The following DHX8 variants were observed in gnomAD, a reference collection of about 807,000 sequenced individuals.
The protein encoded by DHX8 is ATP-dependent RNA helicase DHX8.
DHX8 carries 67 observed loss-of-function variants against 140.7 expected under a neutral mutation model. The ratio of observed to expected loss-of-function variants is 0.48; its 90% confidence interval spans 0.39 to 0.58. DHX8 has a LOEUF of 0.58. Among genes scored for constraint, DHX8 ranks in the 20% least tolerant of loss-of-function variants. DHX8 has a pLI of 0.00. For missense variants in DHX8, 887 were observed against 1,550.7 expected (o/e 0.57, Z 7.19); for synonymous variants, 533 against 553.2 (o/e 0.96, Z 0.51).
chr17:43,528,352 TG>T, downstream of DHX8: 1 of 527,074 alleles, frequency 1.9e-6, no homozygotes. Flanking sequence ...TCCTTCCCAA[TG>T]ACTCCGGTGA....
chr17:43,495,937 A>G (rs767467497), intron 8 of DHX8, among the ~76,000 whole-genome samples: 11 of 152,040 alleles, frequency 7.2e-5, no homozygotes, highest in Admixed American at 1.3e-4. Context: ...GTTTCTAGAA[A>G]AAATTTAAAA....
At chr17:43,529,531 C>T (rs760615534), downstream of DHX8, 1 of 1,613,470 alleles carries the variant, frequency 6.2e-7, no homozygotes, top group Non-Finnish European at 8.5e-7. Context: ...GCTTGAACTC[C>T]ATTCCCCGGC....
chr17:43,485,254 A>G (rs1968072551), intron 1 of DHX8, among the ~76,000 whole-genome samples: 1 of 152,144 alleles, frequency 6.6e-6, no homozygotes, highest in Admixed American at 6.5e-5. Context: ...TTCCTAAATG[A>G]AGATAAAGTC....
chr17:43,530,122 C>G, downstream of DHX8: 5 of 1,579,812 alleles, frequency 3.2e-6, no homozygotes, highest in Non-Finnish European at 1.7e-6. Flanking sequence ...GCCCCGTCAC[C>G]TGGAGAGGGC....
At chr17:43,490,493 T>A in intron 3 of DHX8, 30 bp downstream of exon 3, 1 of 1,570,114 alleles carries the variant, frequency 6.4e-7, no homozygotes, top group Non-Finnish European at 8.7e-7. Flanking sequence ...GAGCTTAGCT[T>A]CTAGAATGGT....
At chr17:43,526,429 G>GTGA, downstream of DHX8, 1 of 1,531,146 alleles carries the variant, frequency 6.5e-7, no homozygotes, top group Non-Finnish European at 8.7e-7. Context: ...AGCTGGGTCA[G>GTGA]GCTCCTCGGT....
At chr17:43,526,077 T>G, downstream of DHX8, 1 of 985,366 alleles carries the variant, frequency 1.0e-6, no homozygotes, top group Middle Eastern at 5.2e-4. Flanking sequence ...GGTTCTGACC[T>G]TTTGACCATC....
chr17:43,492,095 G>A, intron 4 of DHX8, 88 bp from the exon 5 acceptor site: 2 of 865,204 alleles, frequency 2.3e-6, no homozygotes. Context: ...CCCTCACATA[G>A]TGATTAGTGA....
At chr17:43,497,334 T>C (rs562263018) in intron 9 of DHX8, among the ~76,000 whole-genome samples, 147 of 152,350 alleles carry the variant, frequency 9.6e-4, no homozygotes, top group African/African-American at 3.4e-3. Context: ...CCATTTTACT[T>C]TTGATGGACA....
chr17:43,524,713 G>A lies in DHX8; in HGVS notation c.*866G>A. ...TTGAAACATACTAAGTAACAACACA[G>A]CTTTTATTTTATTTTGTTTTTATTT... On this transcript the variant is annotated 3_prime_UTR_variant, in exon 23 of 23. Coordinates refer to ENST00000262415, the MANE Select transcript of DHX8 (RefSeq NM_004941.3). 1 of 985,412 alleles carries A rather than the reference G, an allele frequency of 1.0e-6. No homozygotes were observed. Among genetic ancestry groups the A allele is most frequent in the Non-Finnish European group, 1.2e-6 (1 of 829,916 alleles). 61.0% of individuals were successfully genotyped at this position (985,412 alleles called of 1,614,324 possible).
rs756738915 is a variant in DHX8 at position 43,533,307 on chromosome 17, G to T, written c.351-3105G>T. ...GGGCGACTGTCCAAGGGCACCAGGG[G>T]CAGGGGACTTGATGGCGATTTGTCT... is the stretch of plus-strand genomic sequence containing the variant. On this transcript the variant is annotated intron_variant, in intron 2 of 3. Coordinates refer to the DHX8 transcript ENST00000589898. 6.8e-6 allele frequency: 11 copies of T among 1,613,788 alleles called. No homozygotes were observed. In the African/African-American group the frequency reaches 8.0e-5, roughly 12 times the overall value.
intron 19 of DHX8, 47 bp from the exon 20 acceptor site, chr17:43,520,704 T>C: frequency 1.9e-6 from 3 of 1,612,794 alleles, no homozygotes; most frequent in Non-Finnish European, 2.5e-6. Flanking sequence ...TGAATCCAAA[T>C]GTGTCTTCCA....
rs906551625 is a variant in DHX8, at chr17:43,492,705, G to A, written c.528G>A (p.Arg176=). The A allele has an allele frequency of 1.3e-6, 2 of 1,587,030 alleles. No homozygotes were observed. Among genetic ancestry groups the A allele is most frequent in the African/African-American group, 2.7e-5 (2 of 74,336 alleles). Residue 176 remains arginine (R), a synonymous_variant, in exon 6 of 23, where the codon CGG becomes CGA. Coordinates refer to ENST00000262415, the MANE Select transcript of DHX8 (RefSeq NM_004941.3). ...EHRDRTKKKK[R]SRSRDRNRDR... ...GGGACAGGACAAAGAAGAAGAAGCGGAGTCGAAGCCGAGATCGAAACCGAG... is the reference window on the plus strand; with the variant it reads ...GGGACAGGACAAAGAAGAAGAAGCGAAGTCGAAGCCGAGATCGAAACCGAG...
At chr17:43,529,943 T>C (rs1385256093), downstream of DHX8, 9 of 1,614,044 alleles carry the variant, frequency 5.6e-6, no homozygotes, top group African/African-American at 8.0e-5. Context: ...AGGTTTCTCA[T>C]AGCCATAGCC....
rs73304601 is a variant in DHX8, at chr17:43,541,926, C to A, written c.*21-2236C>A. 4.3e-4 allele frequency among the ~76,000 whole-genome samples: 66 copies of A among 152,302 alleles called. No homozygotes were observed. In the East Asian group the frequency reaches 0.012, roughly 28 times the overall value. ...AACCTCATCCCTCCCCACAGACATG[C>A]CGAGGCACCAGTGTACATGCACTCG... On this transcript the variant is annotated intron_variant, in intron 3 of 3. Coordinates refer to the DHX8 transcript ENST00000589898.
At chr17:43,516,927 A>G (rs1970143950) in intron 17 of DHX8, among the ~76,000 whole-genome samples, 1 of 152,134 alleles carries the variant, frequency 6.6e-6, no homozygotes, top group Non-Finnish European at 1.5e-5. Context: ...GATCTGTATA[A>G]TATTTCTTCC....
intron 2 of DHX8, chr17:43,534,001 G>A (rs777324438): frequency 2.0e-6 from 3 of 1,515,566 alleles, no homozygotes; most frequent in Non-Finnish European, 2.6e-6. Context: ...GGGGTGGAGG[G>A]GACAGAGCAA....
intron 10 of DHX8, 127 bp from the exon 11 acceptor site, chr17:43,499,829 A>G (rs1319161120): frequency 5.0e-6 from 5 of 1,005,058 alleles, no homozygotes; most frequent in Non-Finnish European, 7.4e-6. Context: ...TTTCTTTCAT[A>G]TAGTCTGTTA....
intron 11 of DHX8, among the ~76,000 whole-genome samples, chr17:43,502,877 T>C (rs1969276947): frequency 6.6e-6 from 1 of 152,252 alleles, no homozygotes. Flanking sequence ...TTTTACCCTT[T>C]AGTGAAATGT....
Sources: gnomAD v4.1 joint callset for allele counts (sites outside exome capture counted in the v4.1 genomes callset) on GRCh38, gnomAD v4.1.1 for gene constraint, MANE v1.5 for transcripts, NCBI Gene and HGNC (gene_info 2026-07-23, HGNC 2026-07-21) for gene names.